The following FMNL2 variants were observed in gnomAD, a reference collection of about 807,000 sequenced individuals.
The protein encoded by FMNL2 is formin-like protein 2.
A neutral mutation model predicts 130.2 loss-of-function variants in FMNL2; 51 were observed. The observed-to-expected ratio is 0.39, with a 90% CI of 0.31 to 0.49. FMNL2 has a LOEUF of 0.49. Ranked by LOEUF, FMNL2 falls within the 20% of genes least tolerant of loss-of-function variation. The pLI, the probability that FMNL2 is intolerant of heterozygous loss-of-function variation, is 0.85. For missense variants in FMNL2, 977 were observed against 1,316.2 expected (o/e 0.74, Z 3.99); for synonymous variants, 465 against 467.1 (o/e 1.00, Z 0.06).
intron 1 of FMNL2, among the ~76,000 whole-genome samples, chr2:152,517,146 A>G (rs1022122472): frequency 4.0e-5 from 6 of 151,384 alleles, no homozygotes; most frequent in Admixed American, 4.0e-4. Context: ...TTTCAGGAAA[A>G]TATTGCTAGA....
chr2:152,639,891 C>T, intron 23 of FMNL2, 67 bp from the exon 24 acceptor site: 1 of 1,391,444 alleles, frequency 7.2e-7, no homozygotes, highest in Non-Finnish European at 9.7e-7. Context: ...TGAAGAATGA[C>T]TTTAAAAAAT....
chr2:152,424,282 C>T (rs1579630362), intron 1 of FMNL2, among the ~76,000 whole-genome samples: 1 of 148,572 alleles, frequency 6.7e-6, no homozygotes, highest in South Asian at 2.1e-4. Context: ...GTAAATATAA[C>T]GGATTAGCGC....
intron 1 of FMNL2, among the ~76,000 whole-genome samples, chr2:152,509,788 C>A: frequency 8.8e-6 from 1 of 114,198 alleles, no homozygotes; most frequent in African/African-American, 3.3e-5. Context: ...CTCTGTTGCC[C>A]AGGCTGGAGT....
chr2:152,525,670 G>A (rs778677938), intron 2 of FMNL2, among the ~76,000 whole-genome samples: 1 of 152,186 alleles, frequency 6.6e-6, no homozygotes, highest in African/African-American at 2.4e-5. Context: ...GCGTGAAGAG[G>A]TAGCAGGAAA....
chr2:152,338,209 T>A (rs1382362079), intron 1 of FMNL2, among the ~76,000 whole-genome samples: 3 of 152,182 alleles, frequency 2.0e-5, no homozygotes, highest in African/African-American at 7.2e-5. Context: ...TTGATACCAG[T>A]TCAACTTTCT....
At chr2:152,640,723 C>A (rs1683010936) in intron 24 of FMNL2, 68 bp from the exon 25 acceptor site, 3 of 1,560,572 alleles carry the variant, frequency 1.9e-6, no homozygotes, top group East Asian at 4.6e-5. Flanking sequence ...TGCTCAGGCA[C>A]ATTTTGGATT....
chr2:152,495,593 A>G (rs1579808739), intron 1 of FMNL2, among the ~76,000 whole-genome samples: 2 of 142,842 alleles, frequency 1.4e-5, no homozygotes, highest in East Asian at 2.1e-4. Context: ...AGAGGTTGCA[A>G]TGAGCCGAGA....
chr2:152,509,026 G>C (rs893610462), intron 1 of FMNL2, among the ~76,000 whole-genome samples: 1 of 152,144 alleles, frequency 6.6e-6, no homozygotes, highest in Non-Finnish European at 1.5e-5. Flanking sequence ...TGCCTTGCTT[G>C]GTGCATGCAG....
At chr2:152,575,075 C>A in intron 6 of FMNL2, 61 bp from the exon 7 acceptor site, 1 of 956,892 alleles carries the variant, frequency 1.0e-6, no homozygotes, top group South Asian at 1.5e-5. Context: ...CTGTTAAGTG[C>A]ATGTGCCTAT....
At chr2:152,567,204 C>T (rs920285947) in intron 6 of FMNL2, among the ~76,000 whole-genome samples, 4 of 152,150 alleles carry the variant, frequency 2.6e-5, no homozygotes, top group African/African-American at 9.7e-5. Flanking sequence ...TAGCAAATGC[C>T]TTTGACAAAT....
chr2:152,406,492 A>T (rs1685990793), intron 1 of FMNL2, among the ~76,000 whole-genome samples: 1 of 152,238 alleles, frequency 6.6e-6, no homozygotes, highest in Non-Finnish European at 1.5e-5. Flanking sequence ...GACTTAAATG[A>T]TGTGATTGAA....
At chr2:152,614,731 A>T in intron 11 of FMNL2, 120 bp from the exon 12 acceptor site, 1 of 1,050,410 alleles carries the variant, frequency 9.5e-7, no homozygotes, top group Non-Finnish European at 1.3e-6. Context: ...TGACAGAGTG[A>T]AACTCCATCT....
chr2:152,617,730 G>A (rs911873739), intron 13 of FMNL2, among the ~76,000 whole-genome samples: 2 of 152,178 alleles, frequency 1.3e-5, no homozygotes, highest in African/African-American at 4.8e-5. Flanking sequence ...TTTGGCCTTA[G>A]TATTGTTTAC....
At chr2:152,479,510 T>C (rs1690357682) in intron 1 of FMNL2, among the ~76,000 whole-genome samples, 1 of 152,188 alleles carries the variant, frequency 6.6e-6, no homozygotes, top group African/African-American at 2.4e-5. Context: ...GAACCACTTT[T>C]TGGCTCCTTC....
intron 1 of FMNL2, among the ~76,000 whole-genome samples, chr2:152,479,851 C>T (rs1312943112): frequency 6.6e-6 from 1 of 151,466 alleles, no homozygotes; most frequent in African/African-American, 2.4e-5. Flanking sequence ...GCTGGCACTA[C>T]AGGCACGTGC....
At chr2:152,519,733 C>A (rs1319904332) in intron 1 of FMNL2, among the ~76,000 whole-genome samples, 1 of 152,192 alleles carries the variant, frequency 6.6e-6, no homozygotes, top group Non-Finnish European at 1.5e-5. Context: ...TTATGTCTAT[C>A]CCACATGCTT....
chr2:152,569,111 CTTTTTT>C (rs34246751), intron 6 of FMNL2, among the ~76,000 whole-genome samples: 2 of 133,402 alleles, frequency 1.5e-5, no homozygotes, highest in Non-Finnish European at 3.2e-5. Context: ...CCGCCCCAAT[CTTTTTT>C]TTTTTTTTGA....
intron 1 of FMNL2, among the ~76,000 whole-genome samples, chr2:152,351,788 A>C (rs551235554): frequency 6.6e-6 from 1 of 152,276 alleles, no homozygotes; most frequent in East Asian, 1.9e-4. Context: ...TGTCTTCCAC[A>C]ATGGTGGAAC....
In FMNL2 at chr2:152,575,129, T is replaced by C; in HGVS notation, c.597-7T>C. 1 of 1,552,976 alleles carries C rather than the reference T, an allele frequency of 6.4e-7. No homozygotes were observed. Among genetic ancestry groups the C allele is most frequent in the Non-Finnish European group, 8.8e-7 (1 of 1,135,168 alleles). On this transcript the variant is annotated splice_polypyrimidine_tract_variant and splice_region_variant and intron_variant, in intron 6 of 25. Transcript: ENST00000288670. ...TGTTTTATAGAAGTTTCTCTTTTTG[T>C]TTGTAGATATAATACATTGCCAAGC...
Sources: gnomAD v4.1 joint callset for allele counts (sites outside exome capture counted in the v4.1 genomes callset) on GRCh38, gnomAD v4.1.1 for gene constraint, MANE v1.5 for transcripts, NCBI Gene and HGNC (gene_info 2026-07-23, HGNC 2026-07-21) for gene names.